CFAP20: variants seen among roughly 807,000 people sequenced by gnomAD.
CFAP20 encodes cilia- and flagella-associated protein 20.
CFAP20 carries 14 observed loss-of-function variants against 25.5 expected under a neutral mutation model. That is an observed-to-expected ratio of 0.55 (90% CI 0.36 to 0.86). CFAP20 has a LOEUF of 0.86. CFAP20 is among the 40% of genes least tolerant of loss of function. CFAP20 has a pLI of 0.01. For synonymous variants in CFAP20, 75 were observed against 91.1 expected (o/e 0.82, Z 1.01); for missense variants, 181 against 248.0 (o/e 0.73, Z 1.81).
intron 1 of CFAP20, among the ~76,000 whole-genome samples, chr16:58,124,385 G>A (rs946862840): frequency 6.6e-6 from 1 of 152,192 alleles, no homozygotes; most frequent in Non-Finnish European, 1.5e-5. Context: ...ACTAACTACA[G>A]TCATGCATTG....
intron 1 of CFAP20, among the ~76,000 whole-genome samples, chr16:58,119,672 C>T: frequency 6.6e-6 from 1 of 152,230 alleles, no homozygotes; most frequent in Non-Finnish European, 1.5e-5. Context: ...GTTCAATGCC[C>T]TCCTGCTTTG....
rs768718952 is a variant in CFAP20 at position 58,129,164 on chromosome 16, C to G, written c.-49G>C. 2 of 1,597,548 alleles carry G rather than the reference C, an allele frequency of 1.3e-6. No homozygotes were observed. Among genetic ancestry groups the G allele is most frequent in the South Asian group, 1.1e-5 (1 of 90,204 alleles). On this transcript the variant is annotated 5_prime_UTR_variant, in exon 1 of 6. Transcript: ENST00000262498. ...CCGCCCCCGGAGCCGACCTAGGCCC[C>G]GGAGTAGATACAGGCACCGAGCGTC...
In CFAP20 at chr16:58,129,247, C is replaced by T. The variant is rs571797151; in HGVS notation, c.-132G>A. 1,801 of 921,268 alleles carry T rather than the reference C, an allele frequency of 2.0e-3. 4 individuals carry two copies. The highest frequency in any genetic ancestry group is 2.6e-3 in the Non-Finnish European group (1,609 of 611,334). The allele number at this position is 921,268 out of a possible 1,614,324, so 57.1% of individuals were successfully genotyped here. On this transcript the variant is annotated 5_prime_UTR_variant, in exon 1 of 6. Coordinates refer to ENST00000262498, the MANE Select transcript of CFAP20 (RefSeq NM_013242.3). Reference sequence around the variant, plus strand: ...AGAAGGGTGGTTGAGCTCCTGGCCTCCGGATCTGCAGCCACTGATGGCCGG... The same window carrying T: ...AGAAGGGTGGTTGAGCTCCTGGCCTTCGGATCTGCAGCCACTGATGGCCGG...
At chr16:58,114,573 A>G (rs1007418131) in intron 5 of CFAP20, among the ~76,000 whole-genome samples, 5 of 151,872 alleles carry the variant, frequency 3.3e-5, no homozygotes, top group African/African-American at 4.8e-5. Flanking sequence ...GTGAGCCAGT[A>G]GTAGGAAGTG....
At chr16:58,128,371 G>C (rs1181785378) in intron 1 of CFAP20, among the ~76,000 whole-genome samples, 1 of 152,208 alleles carries the variant, frequency 6.6e-6, no homozygotes, top group Admixed American at 6.5e-5. Context: ...CAGGCACCGA[G>C]GGCATAGTAC....
chr16:58,119,353 G>A (rs1402599162), intron 1 of CFAP20: 4 of 152,314 alleles, frequency 2.6e-5, no homozygotes, highest in South Asian at 4.1e-4. Flanking sequence ...TAAACTAAGC[G>A]TTCAAATATT....
intron 1 of CFAP20, among the ~76,000 whole-genome samples, chr16:58,128,131 T>C (rs1475438260): frequency 1.3e-5 from 2 of 152,222 alleles, no homozygotes; most frequent in African/African-American, 2.4e-5. Context: ...GCTGATTGCC[T>C]GGGAATTTGC....
chr16:58,123,150 A>G (rs1405687776), intron 1 of CFAP20, among the ~76,000 whole-genome samples: 5 of 151,820 alleles, frequency 3.3e-5, no homozygotes, highest in African/African-American at 7.2e-5. Context: ...ATGTGCCACC[A>G]TGCCCGGCTA....
At chr16:58,129,009 C>T (rs1245745734) in intron 1 of CFAP20, 23 bp downstream of exon 1, 2 of 1,610,946 alleles carry the variant, frequency 1.2e-6, no homozygotes, top group East Asian at 2.2e-5. Flanking sequence ...TCCACCCCGC[C>T]CCGTCGCCGC....
intron 1 of CFAP20, among the ~76,000 whole-genome samples, chr16:58,126,851 G>A (rs1013312530): frequency 6.6e-5 from 10 of 152,158 alleles, no homozygotes; most frequent in African/African-American, 2.4e-4. Context: ...AAGCACACAC[G>A]ACAAAGCTGA....
rs1490481218 is a variant in CFAP20 at position 58,129,306 on chromosome 16, C to T, written c.-191G>A. On this transcript the variant is annotated 5_prime_UTR_variant, in exon 1 of 6. Coordinates refer to ENST00000262498, the MANE Select transcript of CFAP20 (RefSeq NM_013242.3). ...GCGGCAACGCTAAGTCCGCGATCTT[C>T]AGCTCCTAAGCTGCGAGCTCAGAAC... The T allele has an allele frequency of 3.4e-6, 2 of 596,772 alleles. No individual in the cohort carries two copies. The highest frequency in any genetic ancestry group is 3.7e-5 in the African/African-American group (2 of 53,880). 37.0% of individuals were successfully genotyped at this position (596,772 alleles called of 1,614,324 possible).
intron 1 of CFAP20, among the ~76,000 whole-genome samples, chr16:58,124,086 G>A (rs1436623737): frequency 6.6e-6 from 1 of 152,148 alleles, no homozygotes; most frequent in Non-Finnish European, 1.5e-5. Flanking sequence ...CAATTCAGTA[G>A]GAGGCTACTA....
rs776401035 is a variant in CFAP20 at position 58,114,992 on chromosome 16, C to T, written c.466-72G>A. On this transcript the variant is annotated intron_variant, in intron 4 of 5. Transcript: ENST00000262498. ...CCCCTTTTCCTGAATCTTCTAGAGG[C>T]CCTCTTCCAGGACTGGAAACGCGTC... The T allele has an allele frequency of 8.1e-6, 11 of 1,365,776 alleles. No individual in the cohort carries two copies. The Admixed American group carries it at 8.7e-5, about 11-fold the overall frequency. 84.6% of individuals were successfully genotyped at this position (1,365,776 alleles called of 1,614,324 possible).
At chr16:58,124,930 T>G (rs1296506570) in intron 1 of CFAP20, among the ~76,000 whole-genome samples, 1 of 152,234 alleles carries the variant, frequency 6.6e-6, no homozygotes, top group African/African-American at 2.4e-5. Context: ...CTAAATTTAT[T>G]AAAAATATTT....
intron 5 of CFAP20, 46 bp downstream of exon 5, chr16:58,114,764 T>TC (rs753814566): frequency 5.4e-6 from 8 of 1,472,340 alleles, no homozygotes; most frequent in Middle Eastern, 1.7e-4. Flanking sequence ...GGAACACAGC[T>TC]CCCCCCACTC....
rs747017664 is a variant in CFAP20 at position 58,113,875 on chromosome 16, C to T, written c.*150G>A. 2.5e-5 allele frequency: 22 copies of T among 876,934 alleles called. No individual in the cohort carries two copies. The highest frequency in any genetic ancestry group is 5.0e-5 in the African/African-American group (3 of 60,160). The allele number at this position is 876,934 out of a possible 1,614,324, so 54.3% of individuals were successfully genotyped here. ...AGTCACAGAGTTACGGCATGTTCAC[C>T]GGTGTCCATGACAAGCAACACCAAG... On this transcript the variant is annotated 3_prime_UTR_variant, in exon 6 of 6. Coordinates refer to ENST00000262498, the MANE Select transcript of CFAP20 (RefSeq NM_013242.3).
At chr16:58,125,606 C>G (rs1311541875) in intron 1 of CFAP20, among the ~76,000 whole-genome samples, 1 of 152,024 alleles carries the variant, frequency 6.6e-6, no homozygotes, top group Non-Finnish European at 1.5e-5. Context: ...ATTGCTTGAG[C>G]CCAGGAGATG....
intron 1 of CFAP20, among the ~76,000 whole-genome samples, chr16:58,120,316 G>A (rs966843333): frequency 6.6e-6 from 1 of 152,194 alleles, no homozygotes; most frequent in African/African-American, 2.4e-5. Flanking sequence ...CCTGAAAACT[G>A]CTATTGCTAA....
At chr16:58,124,250 G>C (rs1419272733) in intron 1 of CFAP20, among the ~76,000 whole-genome samples, 3 of 152,204 alleles carry the variant, frequency 2.0e-5, no homozygotes, top group African/African-American at 7.2e-5. Flanking sequence ...CAGGAGTCTG[G>C]TTTTACAGTA....
Sources: allele counts gnomAD v4.1 joint callset (sites outside exome capture counted in the v4.1 genomes callset), GRCh38; gene constraint gnomAD v4.1.1; transcripts MANE v1.5; gene names NCBI Gene and HGNC (gene_info 2026-07-23, HGNC 2026-07-21).